The following UBE2W variants were observed in gnomAD, a reference collection of about 807,000 sequenced individuals.
UBE2W encodes the protein ubiquitin conjugating enzyme E2 W, also known as ubiquitin-conjugating enzyme E2 W.
In UBE2W, 18 loss-of-function variants were observed where a neutral mutation model predicts 27.2. The ratio of observed to expected loss-of-function variants is 0.66; its 90% CI spans 0.46 to 0.98. The LOEUF (loss-of-function observed/expected upper bound fraction) is 0.98, where lower values mean the gene tolerates loss of function less well. Ranked by LOEUF, UBE2W falls within the 50% of genes least tolerant of loss-of-function variation. The pLI is 0.00. For missense variants in UBE2W, 90 were observed against 180.2 expected, an observed-to-expected ratio of 0.50 and a Z score of 2.87; for synonymous variants, 53 against 57.2, an observed-to-expected ratio of 0.93 and a Z score of 0.33.
At chr8:73,877,131 A>G (rs1375970223) in intron 1 of UBE2W, among the ~76,000 whole-genome samples, 1 of 152,246 alleles carries the variant, frequency 6.6e-6, no homozygotes, top group Admixed American at 6.5e-5. Flanking sequence ...TTAGCCTCAA[A>G]TAATGTTTTA....
In UBE2W at chr8:73,816,298, T is replaced by C. The variant is rs565904783; in HGVS notation, c.211-5669A>G. 9.8e-5 allele frequency among the ~76,000 whole-genome samples: 15 copies of C among 152,342 alleles called. No individual in the cohort carries two copies. In the South Asian group the frequency reaches 3.1e-3, roughly 32 times the overall value. ...CCTTGACCCCCAAGGCTTCAGTGAA[T>C]AGGGTTCACTGTTAACCTTCTTGTC... On this transcript the variant is annotated intron_variant, in intron 3 of 5. Coordinates refer to ENST00000602593, the MANE Select transcript of UBE2W (RefSeq NM_018299.6).
intron 4 of UBE2W, among the ~76,000 whole-genome samples, chr8:73,780,995 C>T (rs955383644): frequency 2.6e-5 from 4 of 151,808 alleles, no homozygotes; most frequent in Admixed American, 6.6e-5. Flanking sequence ...CCTGGCTGAG[C>T]GCGGTGGCTC....
intron 3 of UBE2W, among the ~76,000 whole-genome samples, chr8:73,822,791 AC>A (rs1352732852): frequency 1.1e-3 from 174 of 152,074 alleles, no homozygotes; most frequent in African/African-American, 3.8e-3. Context: ...CTCAAAAAAA[AC>A]AAAACAAAAA....
Position 73,793,855 on chromosome 8 carries a change from T to G in UBE2W, c.*247A>C. 8.1e-7 allele frequency: 1 copy of G among 1,229,268 alleles called. No homozygotes were observed. Among genetic ancestry groups the G allele is most frequent in the East Asian group, 3.3e-5 (1 of 29,926 alleles). 76.1% of individuals were successfully genotyped at this position (1,229,268 alleles called of 1,614,324 possible). On this transcript the variant is annotated 3_prime_UTR_variant, in exon 6 of 6. Transcript: ENST00000602593. ...AAAAAAATAAAAATAAAAAATGGAATTATATTTGACATTTCCTGACACCTG... is the reference window on the plus strand; with the variant it reads ...AAAAAAATAAAAATAAAAAATGGAAGTATATTTGACATTTCCTGACACCTG...
intron 1 of UBE2W, among the ~76,000 whole-genome samples, chr8:73,878,085 G>A (rs1423333673): frequency 1.3e-5 from 2 of 152,232 alleles, no homozygotes; most frequent in African/African-American, 4.8e-5. Context: ...GCTATCCCGA[G>A]AGGTTTAAGG....
chr8:73,825,314 G>A (rs920339881), intron 2 of UBE2W, 65 bp from the exon 3 acceptor site: 11 of 1,175,800 alleles, frequency 9.4e-6, no homozygotes, highest in Non-Finnish European at 1.3e-5. Context: ...GGAGAAAAGA[G>A]GACACCAAGT....
intron 5 of UBE2W, among the ~76,000 whole-genome samples, chr8:73,803,011 G>C (rs1226055042): frequency 1.3e-5 from 2 of 151,818 alleles, no homozygotes; most frequent in South Asian, 2.1e-4. Context: ...GCGACAGCAA[G>C]ACTCCGTCTC....
chr8:73,783,635 A>G (rs1482852755), downstream of UBE2W, among the ~76,000 whole-genome samples: 1 of 152,148 alleles, frequency 6.6e-6, no homozygotes, highest in Non-Finnish European at 1.5e-5. Flanking sequence ...TCCCATCCCC[A>G]CATCCCCAGC....
At chr8:73,810,323 T>C in intron 4 of UBE2W, 151 bp downstream of exon 4, 1 of 802,414 alleles carries the variant, frequency 1.2e-6, no homozygotes, top group Non-Finnish European at 1.8e-6. Context: ...CAAAATAACT[T>C]TCCAATTTAT....
Position 73,792,828 on chromosome 8 carries a change from C to G in UBE2W, c.*1274G>C. On this transcript the variant is annotated 3_prime_UTR_variant, in exon 6 of 6. Transcript: ENST00000602593. ...ATAGAAAGTTTCATCTAGCTGTAAG[C>G]AAAGTCTTTTCAACAACAACAAAAC... is the stretch of plus-strand genomic sequence containing the variant. 2.0e-6 allele frequency: 2 copies of G among 985,258 alleles called. No individual in the cohort carries two copies. Among genetic ancestry groups the G allele is most frequent in the Non-Finnish European group, 2.4e-6 (2 of 829,750 alleles). 61.0% of individuals were successfully genotyped at this position (985,258 alleles called of 1,614,324 possible). A position where few individuals can be genotyped will look rare whatever the true frequency, so the allele number is the denominator to read the frequency against.
At chr8:73,830,498 T>C in intron 1 of UBE2W, 26 bp from the exon 2 acceptor site, 2 of 1,599,998 alleles carry the variant, frequency 1.3e-6, no homozygotes, top group Non-Finnish European at 1.7e-6. Flanking sequence ...AATAATAATT[T>C]GTCCTTTTTG....
intron 3 of UBE2W, among the ~76,000 whole-genome samples, chr8:73,821,375 A>T (rs1446384365): frequency 6.6e-6 from 1 of 152,072 alleles, no homozygotes; most frequent in African/African-American, 2.4e-5. Context: ...ATGCAGGTGC[A>T]GAAAAAGTTA....
chr8:73,872,582 CA>C (rs771031341), intron 1 of UBE2W, among the ~76,000 whole-genome samples: 5 of 152,128 alleles, frequency 3.3e-5, no homozygotes, highest in Non-Finnish European at 7.3e-5. Flanking sequence ...GTGACTTACT[CA>C]AAATTACACA....
At chr8:73,860,998 G>C (rs920261828) in intron 1 of UBE2W, among the ~76,000 whole-genome samples, 1 of 152,084 alleles carries the variant, frequency 6.6e-6, no homozygotes, top group Non-Finnish European at 1.5e-5. Context: ...TGTACCTGTA[G>C]TCCTAGCTAC....
chr8:73,786,616 G>T lies in UBE2W; in HGVS notation c.*7486C>A. On this transcript the variant is annotated 3_prime_UTR_variant, in exon 6 of 6. Coordinates refer to ENST00000602593, the MANE Select transcript of UBE2W (RefSeq NM_018299.6). ...AGAAACGCAGATCATGAACATTCTA[G>T]GAGGGAAGAACATTAGCAGACGGCA... is the stretch of plus-strand genomic sequence containing the variant. 1.0e-6 allele frequency: 1 copy of T among 985,452 alleles called. No homozygotes were observed. The highest frequency in any genetic ancestry group is 4.7e-5 in the South Asian group (1 of 21,286). 61.0% of individuals were successfully genotyped at this position (985,452 alleles called of 1,614,324 possible).
At chr8:73,785,158 T>C (rs1807913547), downstream of UBE2W, among the ~76,000 whole-genome samples, 1 of 152,016 alleles carries the variant, frequency 6.6e-6, no homozygotes, top group Non-Finnish European at 1.5e-5. Context: ...AATATTTTTA[T>C]TTTTTTTAGA....
intron 3 of UBE2W, among the ~76,000 whole-genome samples, chr8:73,813,854 G>C (rs1308814180): frequency 6.6e-6 from 1 of 151,788 alleles, no homozygotes; most frequent in Admixed American, 6.6e-5. Context: ...CCAGGTTCAA[G>C]TGATTCTCCT....
chr8:73,814,247 T>A (rs938042896), intron 3 of UBE2W, among the ~76,000 whole-genome samples: 31 of 152,270 alleles, frequency 2.0e-4, no homozygotes, highest in Admixed American at 1.2e-3. Context: ...TTCAAAAAAA[T>A]TTTTTTGGAG....
At chr8:73,801,613 T>C (rs1808648781) in intron 5 of UBE2W, among the ~76,000 whole-genome samples, 1 of 152,242 alleles carries the variant, frequency 6.6e-6, no homozygotes. Flanking sequence ...TGGCTAATCT[T>C]AATTTTTGAT....
Sources: allele counts gnomAD v4.1 joint callset (sites outside exome capture counted in the v4.1 genomes callset), GRCh38; gene constraint gnomAD v4.1.1; transcripts MANE v1.5; gene names NCBI Gene and HGNC (gene_info 2026-07-23, HGNC 2026-07-21).